The following C1orf167 variants were observed in gnomAD, a reference collection of about 807,000 sequenced individuals.
The protein encoded by C1orf167 is uncharacterized protein C1orf167.
C1orf167 carries 153 observed loss-of-function variants against 176.5 expected under a neutral mutation model. The observed-to-expected ratio is 0.87, with a 90% CI of 0.76 to 0.99. The LOEUF (loss-of-function observed/expected upper bound fraction) is 0.99, where lower values mean the gene tolerates loss of function less well. Ranked by LOEUF, C1orf167 falls within the 50% of genes least tolerant of loss-of-function variation. The pLI is 0.00. For missense variants in C1orf167, 1,490 were observed against 1,817.7 expected, an observed-to-expected ratio of 0.82 and a Z score of 3.28; for synonymous variants, 594 against 752.7, an observed-to-expected ratio of 0.79 and a Z score of 3.45.
intron 6 of C1orf167, among the ~76,000 whole-genome samples, chr1:11,770,753 C>A (rs1013555493): frequency 2.7e-5 from 4 of 150,926 alleles, no homozygotes; most frequent in Non-Finnish European, 5.9e-5. Context: ...TGAGCCACTG[C>A]GCCCGGCCTC....
intron 10 of C1orf167, 21 bp from the exon 11 acceptor site, chr1:11,778,639 A>G (rs72640210): frequency 0.11 from 140,095 of 1,279,004 alleles, 8,204 homozygotes; most frequent in South Asian, 0.17. Context: ...TGGGTGGGTC[A>G]CTCACCTGCC....
chr1:11,779,449 A>C (rs1324596139), intron 12 of C1orf167: 2 of 226,708 alleles, frequency 8.8e-6, no homozygotes, highest in African/African-American at 2.3e-5. Context: ...AATGGGGTTA[A>C]TAGTACTGGC....
chr1:11,787,734 GGA>G (rs1313612871), intron 17 of C1orf167, 137 bp from the exon 18 acceptor site: 1 of 1,133,090 alleles, frequency 8.8e-7, no homozygotes, highest in Non-Finnish European at 1.1e-6. Context: ...GGAGGCCTGG[GGA>G]GATGGGGGCA....
chr1:11,764,310 C>A, intron 1 of C1orf167, 21 bp from the exon 2 acceptor site: 3 of 1,039,580 alleles, frequency 2.9e-6, no homozygotes, highest in Non-Finnish European at 3.9e-6. Context: ...AGAGCCAGGG[C>A]AACCTGTCCT....
chr1:11,776,084 C>T (rs1002412425), intron 9 of C1orf167, among the ~76,000 whole-genome samples: 4 of 152,188 alleles, frequency 2.6e-5, no homozygotes, highest in Admixed American at 1.3e-4. Context: ...TGGTGAAACC[C>T]TGTGTCTACT....
chr1:11,782,826 G>A (rs1205252563), intron 14 of C1orf167, among the ~76,000 whole-genome samples: 3 of 151,078 alleles, frequency 2.0e-5, no homozygotes, highest in African/African-American at 7.3e-5. Context: ...GGCTCAGGCA[G>A]GAGAATCACT....
At chr1:11,776,787 C>CCA in intron 10 of C1orf167, 149 bp downstream of exon 10, 3 of 764,282 alleles carry the variant, frequency 3.9e-6, no homozygotes, top group Non-Finnish European at 5.3e-6. Flanking sequence ...CTGCACAGGG[C>CCA]CTGGCACACT....
rs112976388 is a variant in C1orf167 at position 11,785,263 on chromosome 1, C to A, written c.3541C>A (p.Arg1181=). 7.8e-7 allele frequency: 1 copy of A among 1,287,784 alleles called. No homozygotes were observed. The highest frequency in any genetic ancestry group is 1.5e-5 in the African/African-American group (1 of 65,810). 79.8% of individuals were successfully genotyped at this position (1,287,784 alleles called of 1,614,324 possible). A position where few individuals can be genotyped will look rare whatever the true frequency, so the allele number is the denominator to read the frequency against. Residue 1181 remains arginine (R), a synonymous_variant, in exon 16 of 21, where the codon CGG becomes AGG. Transcript: ENST00000688073. Reference sequence around the variant, plus strand: ...CCTGCGGACAGTGCAGCTCAGGGTGCGGCTGGGACTGCCAGGGGCCGGCAA... The same window carrying A: ...CCTGCGGACAGTGCAGCTCAGGGTGAGGCTGGGACTGCCAGGGGCCGGCAA... The part of the protein sequence containing the change: ...RFLRTVQLRV[R]LGLPGAGKTR...
Position 11,767,077 on chromosome 1 carries a change from G to A in C1orf167, c.1291G>A (p.Ala431Thr), listed in dbSNP as rs1367419514. 1 of 1,240,078 alleles carries A rather than the reference G, an allele frequency of 8.1e-7. No homozygotes were observed. Among genetic ancestry groups the A allele is most frequent in the Non-Finnish European group, 1.0e-6 (1 of 961,978 alleles). 76.8% of individuals were successfully genotyped at this position (1,240,078 alleles called of 1,614,324 possible). A position where few individuals can be genotyped will look rare whatever the true frequency, so the allele number is the denominator to read the frequency against. ...HLSDTVPASS[A>T]SKNKAQNITA... ...GTCAGACACAGTCCCAGCGAGCAGTGCGTCGAAGGTAGAGGCCCGGGGAGG... is the reference window on the plus strand; with the variant it reads ...GTCAGACACAGTCCCAGCGAGCAGTACGTCGAAGGTAGAGGCCCGGGGAGG... The change falls in exon 3 of 21, where the codon GCG becomes ACG. Residue 431 changes from alanine (A) to threonine (T), a missense_variant. By Grantham distance (58) the Ala-to-Thr change is moderately conservative (BLOSUM62 0). Transcript: ENST00000688073.
chr1:11,787,855 C>T lies in C1orf167; in HGVS notation c.3674-18C>T, dbSNP rs1643931623. 8.3e-7 allele frequency: 1 copy of T among 1,207,052 alleles called. No homozygotes were observed. Among genetic ancestry groups the T allele is most frequent in the Non-Finnish European group, 1.1e-6 (1 of 941,030 alleles). 74.8% of individuals were successfully genotyped at this position (1,207,052 alleles called of 1,614,324 possible). A position where few individuals can be genotyped will look rare whatever the true frequency, so the allele number is the denominator to read the frequency against. On this transcript the variant is annotated intron_variant, in intron 17 of 20. Transcript: ENST00000688073. ...CTGGACCCACCTTAACCTCTTGTGA[C>T]TCAACTCCCCTTTCCAGGGTGCAGG...
Position 11,762,301 on chromosome 1 carries a change from C to G in C1orf167, c.-75C>G, listed in dbSNP as rs1207922457. 5.1e-6 allele frequency: 2 copies of G among 395,352 alleles called. No individual in the cohort carries two copies. Among genetic ancestry groups the G allele is most frequent in the Non-Finnish European group, 1.0e-5 (2 of 195,132 alleles). The allele number at this position is 395,352 out of a possible 1,614,324, so 24.5% of individuals were successfully genotyped here. A position where few individuals can be genotyped will look rare whatever the true frequency, so the allele number is the denominator to read the frequency against. Reference sequence around the variant, plus strand: ...TGAAGGAGGACCCGAGGAGGACCCACGCACGTGAGGGCAGATCCATGAGGG... The same window carrying G: ...TGAAGGAGGACCCGAGGAGGACCCAGGCACGTGAGGGCAGATCCATGAGGG... On this transcript the variant is annotated 5_prime_UTR_variant, in exon 1 of 21. Coordinates refer to ENST00000688073, the MANE Select transcript of C1orf167 (RefSeq NM_001010881.2).
intron 13 of C1orf167, among the ~76,000 whole-genome samples, chr1:11,780,230 A>G (rs1297830764): frequency 6.6e-6 from 1 of 152,238 alleles, no homozygotes; most frequent in Non-Finnish European, 1.5e-5. Flanking sequence ...TTACACAGCC[A>G]TAGCTAACAA....
At chr1:11,783,420 T>A (rs1407692534) in intron 14 of C1orf167, among the ~76,000 whole-genome samples, 1 of 152,072 alleles carries the variant, frequency 6.6e-6, no homozygotes, top group South Asian at 2.1e-4. Context: ...GCTAATTTTG[T>A]ATTTTTAGTA....
At chr1:11,785,421 A>C in intron 16 of C1orf167, 132 bp downstream of exon 16, 3 of 985,872 alleles carry the variant, frequency 3.0e-6, no homozygotes, top group South Asian at 1.9e-5. Context: ...TCCAAAAATG[A>C]CCCTCGGACC....
intron 9 of C1orf167, among the ~76,000 whole-genome samples, chr1:11,775,926 G>T (rs908692604): frequency 1.3e-5 from 2 of 152,198 alleles, no homozygotes; most frequent in African/African-American, 4.8e-5. Flanking sequence ...GAAGCTCCTG[G>T]TGTGATGGGG....
intron 8 of C1orf167, among the ~76,000 whole-genome samples, chr1:11,773,929 G>C (rs1420928400): frequency 1.3e-5 from 2 of 151,928 alleles, no homozygotes; most frequent in African/African-American, 2.4e-5. Context: ...ATAGAGACAG[G>C]GTCTTACTGT....
chr1:11,772,143 G>A lies in C1orf167; in HGVS notation c.1872G>A (p.Lys624=). Residue 624 remains lysine (K), a synonymous_variant, in exon 8 of 21, where the codon AAG becomes AAA. Coordinates refer to ENST00000688073, the MANE Select transcript of C1orf167 (RefSeq NM_001010881.2). ...RARQERETLR[K]ATRATQRTGS... is the part of the protein sequence containing the mutation. ...GACAGGAGAGGGAGACTCTGCGGAA[G>A]GCCACCAGGGCCACACAGAGGACAG... 7.7e-7 allele frequency: 1 copy of A among 1,304,316 alleles called. No individual in the cohort carries two copies. The highest frequency in any genetic ancestry group is 1.0e-6 in the Non-Finnish European group (1 of 988,948). 80.8% of individuals were successfully genotyped at this position (1,304,316 alleles called of 1,614,324 possible). A position where few individuals can be genotyped will look rare whatever the true frequency, so the allele number is the denominator to read the frequency against.
At chr1:11,779,488 C>T (rs910270755) in intron 12 of C1orf167, 7 of 230,286 alleles carry the variant, frequency 3.0e-5, no homozygotes, top group Non-Finnish European at 6.2e-5. Context: ...AGGCACGGCA[C>T]ATACATTCCC....
Position 11,768,277 on chromosome 1 carries a change from T to A in C1orf167, c.1542+2T>A, listed in dbSNP as rs1002754291. 1 of 1,289,458 alleles carries A rather than the reference T, an allele frequency of 7.8e-7. No homozygotes were observed. The highest frequency in any genetic ancestry group is 1.0e-6 in the Non-Finnish European group (1 of 988,676). 79.9% of individuals were successfully genotyped at this position (1,289,458 alleles called of 1,614,324 possible). A position where few individuals can be genotyped will look rare whatever the true frequency, so the allele number is the denominator to read the frequency against. ...CTGCTGGTCCGGAGCTTCCGAGAGG[T>A]CAGCGGTCTCCAGGTTGGGCCAGGG... is the stretch of plus-strand genomic sequence containing the variant. On this transcript the variant is annotated splice_donor_variant, in intron 5 of 20. Coordinates refer to ENST00000688073, the MANE Select transcript of C1orf167 (RefSeq NM_001010881.2). LOFTEE classifies it high-confidence loss of function. The surrounding 1 kb of genome is among the most constrained non-coding windows in gnomAD (Gnocchi z 4.5).
Sources: allele counts gnomAD v4.1 joint callset (sites outside exome capture counted in the v4.1 genomes callset), GRCh38; gene constraint gnomAD v4.1.1; non-coding constraint Gnocchi (gnomAD v3.1); transcripts MANE v1.5; gene names NCBI Gene and HGNC (gene_info 2026-07-23, HGNC 2026-07-21).